Variants in SMYD3 observed in about 807,000 individuals in gnomAD.
SMYD3 encodes SET and MYND domain containing 3.
Under a neutral mutation model 57.7 loss-of-function variants are expected in SMYD3, and 36 were observed. The observed-to-expected ratio is 0.62, with a 90% CI of 0.48 to 0.82. The LOEUF (loss-of-function observed/expected upper bound fraction) is 0.82. Ranked by LOEUF, SMYD3 falls within the 40% of genes least tolerant of loss-of-function variation. The pLI is 0.00. For synonymous variants in SMYD3, 211 were observed against 195.0 expected (o/e 1.08, Z -0.68); for missense variants, 515 against 538.8 (o/e 0.96, Z 0.44).
chr1:245,751,055 A>G (rs2045327449), intron 11 of SMYD3, among the ~76,000 whole-genome samples: 1 of 152,226 alleles, frequency 6.6e-6, no homozygotes, highest in Non-Finnish European at 1.5e-5. Context: ...TCAACTACTC[A>G]TGATTCAGTG....
chr1:246,356,296 AG>A (rs2065909286), intron 1 of SMYD3, among the ~76,000 whole-genome samples: 1 of 152,186 alleles, frequency 6.6e-6, no homozygotes. Context: ...TCTGAACAGC[AG>A]CCCTTGAGTC....
chr1:246,500,425 C>T (rs1380309472), intron 1 of SMYD3, among the ~76,000 whole-genome samples: 1 of 152,156 alleles, frequency 6.6e-6, no homozygotes, highest in Non-Finnish European at 1.5e-5. Flanking sequence ...ATCAAAGATT[C>T]TCAGTGGATC....
chr1:246,030,066 C>G (rs1265424179), intron 5 of SMYD3, among the ~76,000 whole-genome samples: 10 of 149,644 alleles, frequency 6.7e-5, no homozygotes, highest in Admixed American at 6.7e-4. Flanking sequence ...ACCCCCAATG[C>G]GTATTGCAGC....
At chr1:246,130,293 C>A (rs1204456916) in intron 5 of SMYD3, among the ~76,000 whole-genome samples, 1 of 152,122 alleles carries the variant, frequency 6.6e-6, no homozygotes, top group African/African-American at 2.4e-5. Context: ...ATGAAGTTCC[C>A]AGGCCTCCAT....
intron 1 of SMYD3, among the ~76,000 whole-genome samples, chr1:246,411,358 C>A (rs1374950141): frequency 6.6e-6 from 1 of 152,212 alleles, no homozygotes; most frequent in African/African-American, 2.4e-5. Context: ...GAAGTAGGAA[C>A]ACTTGTACAC....
chr1:246,460,467 A>G (rs2067782144), intron 1 of SMYD3, among the ~76,000 whole-genome samples: 1 of 152,232 alleles, frequency 6.6e-6, no homozygotes, highest in Admixed American at 6.5e-5. Flanking sequence ...AAAATACTGC[A>G]TCACAAGAAA....
chr1:246,001,956 C>G (rs1422363598), intron 5 of SMYD3, among the ~76,000 whole-genome samples: 1 of 152,142 alleles, frequency 6.6e-6, no homozygotes, highest in Non-Finnish European at 1.5e-5. Flanking sequence ...TGGTTTCCAG[C>G]TCTGGTTCTG....
At chr1:246,122,370 G>T (rs1394238149) in intron 5 of SMYD3, among the ~76,000 whole-genome samples, 1 of 152,154 alleles carries the variant, frequency 6.6e-6, no homozygotes, top group Non-Finnish European at 1.5e-5. Flanking sequence ...CAAGAGCCAA[G>T]GTCGCACCAC....
At position 245,951,548 on chromosome 1, in the gene SMYD3, G is replaced by A. The variant is rs578190120; in HGVS notation, c.532-21611C>T. Among the ~76,000 whole-genome samples, 15 of 132,778 alleles carry A rather than the reference G, an allele frequency of 1.1e-4. 1 individual carries two copies. Among genetic ancestry groups the A allele is most frequent in the African/African-American group, 4.4e-4 (14 of 31,492 alleles). 87.1% of individuals were successfully genotyped at this position (132,778 alleles called of 152,430 possible). ...CGCGCCCCTGCACTCCAGCCTGGGT[G>A]ACAGAGCGAGGCTCTCTCTCAAAAA... On this transcript the variant is annotated intron_variant, in intron 5 of 11. Transcript: ENST00000490107.
intron 5 of SMYD3, among the ~76,000 whole-genome samples, chr1:245,940,564 A>AC (rs2057194105): frequency 8.0e-6 from 1 of 124,304 alleles, no homozygotes; most frequent in Non-Finnish European, 1.9e-5. Context: ...TTGACTGTTA[A>AC]AAAAACAAAA....
At chr1:245,972,247 G>A (rs541903663) in intron 5 of SMYD3, among the ~76,000 whole-genome samples, 32 of 152,300 alleles carry the variant, frequency 2.1e-4, no homozygotes, top group Admixed American at 9.1e-4. Flanking sequence ...ACCTTAGCTG[G>A]CTAGGTAAGT....
chr1:246,082,926 T>G (rs976366574), intron 5 of SMYD3, among the ~76,000 whole-genome samples: 3 of 148,690 alleles, frequency 2.0e-5, no homozygotes, highest in Non-Finnish European at 2.9e-5. Context: ...AGCATGCTCC[T>G]TAAGAGTCAT....
intron 2 of SMYD3, among the ~76,000 whole-genome samples, chr1:246,351,484 T>A (rs931997016): frequency 6.6e-6 from 1 of 152,216 alleles, no homozygotes; most frequent in Non-Finnish European, 1.5e-5. Context: ...ATGTTCTGTT[T>A]ATAGCAATAG....
chr1:245,799,153 G>A (rs910476369), intron 10 of SMYD3, among the ~76,000 whole-genome samples: 1 of 152,184 alleles, frequency 6.6e-6, no homozygotes, highest in African/African-American at 2.4e-5. Context: ...ATTCCTATTA[G>A]GTACAGAGAG....
chr1:246,419,659 C>G (rs1334775806), intron 1 of SMYD3, among the ~76,000 whole-genome samples: 1 of 152,202 alleles, frequency 6.6e-6, no homozygotes, highest in Non-Finnish European at 1.5e-5. Flanking sequence ...CCCTTCCCAG[C>G]ACTCCCGTAT....
At chr1:246,037,325 G>A (rs2059793957) in intron 5 of SMYD3, among the ~76,000 whole-genome samples, 1 of 152,124 alleles carries the variant, frequency 6.6e-6, no homozygotes. Context: ...GGTTAAAAGT[G>A]ACATTTCAGT....
chr1:245,994,538 T>A (rs561160263), intron 5 of SMYD3, among the ~76,000 whole-genome samples: 1 of 152,244 alleles, frequency 6.6e-6, no homozygotes, highest in South Asian at 2.1e-4. Flanking sequence ...TCCCGGGACA[T>A]CAAGGAGCTG....
At chr1:245,833,410 C>T (rs767509730) in intron 10 of SMYD3, among the ~76,000 whole-genome samples, 4 of 152,236 alleles carry the variant, frequency 2.6e-5, no homozygotes, top group Non-Finnish European at 4.4e-5. Flanking sequence ...CTTTTCTTGA[C>T]AGTCTTGAAG....
chr1:245,926,357 C>T (rs1055512270), intron 7 of SMYD3, among the ~76,000 whole-genome samples: 1 of 152,152 alleles, frequency 6.6e-6, no homozygotes, highest in African/African-American at 2.4e-5. Flanking sequence ...GCAAGACCTA[C>T]AAAATGGAAT....
Sources: allele counts gnomAD v4.1 joint callset (sites outside exome capture counted in the v4.1 genomes callset), GRCh38; gene constraint gnomAD v4.1.1; transcripts MANE v1.5; gene names NCBI Gene and HGNC (gene_info 2026-07-23, HGNC 2026-07-21).